The following TBC1D22B variants were observed in gnomAD, a reference collection of about 807,000 sequenced individuals.
TBC1D22B encodes the protein TBC1 domain family member 22B, also known as chromosome 6 open reading frame 197.
A neutral mutation model predicts 69.1 loss-of-function variants in TBC1D22B; 32 were observed. That is an observed-to-expected ratio of 0.46 (90% CI 0.35 to 0.62). The LOEUF (loss-of-function observed/expected upper bound fraction) is 0.62, where lower values mean the gene tolerates loss of function less well. Among genes scored for constraint, TBC1D22B ranks in the 20% least tolerant of loss-of-function variants. The pLI is 0.00. For synonymous variants in TBC1D22B, 206 were observed against 229.8 expected (o/e 0.90, Z 0.94); for missense variants, 462 against 630.9 (o/e 0.73, Z 2.87).
intron 8 of TBC1D22B, 62 bp from the exon 9 acceptor site, chr6:37,312,856 C>A: frequency 7.2e-7 from 1 of 1,395,890 alleles, no homozygotes; most frequent in Non-Finnish European, 1.0e-6. Flanking sequence ...ACACTCGAAT[C>A]TATCTTTCTC....
intron 3 of TBC1D22B, among the ~76,000 whole-genome samples, chr6:37,281,496 C>T (rs73419894): frequency 0.032 from 4,855 of 152,278 alleles, 244 homozygotes; most frequent in African/African-American, 0.11. Flanking sequence ...AATGTAGGAG[C>T]ACAAAGGAAC....
In TBC1D22B at chr6:37,330,222, C is replaced by CT. The variant is rs67372032; in HGVS notation, c.1390-787dup. The stretch of plus-strand genomic sequence containing the variant: ...GATGTTATAAATATTTTGTCCGTTT[C>CT]TTTTTTTTTTTTTTTTTTTTTTTTT... On this transcript the variant is annotated intron_variant, in intron 12 of 12. Coordinates refer to ENST00000373491, the MANE Select transcript of TBC1D22B (RefSeq NM_017772.4). Among the ~76,000 whole-genome samples the CT allele has an allele frequency of 4.6e-3, 347 of 75,530 alleles. 45 individuals carry two copies. The highest frequency in any genetic ancestry group is 5.3e-3 in the Non-Finnish European group (222 of 41,544). 49.6% of individuals were successfully genotyped at this position (75,530 alleles called of 152,430 possible).
At chr6:37,273,449 C>T (rs1766565018) in intron 2 of TBC1D22B, among the ~76,000 whole-genome samples, 1 of 152,168 alleles carries the variant, frequency 6.6e-6, no homozygotes, top group Non-Finnish European at 1.5e-5. Context: ...ATCACCATAC[C>T]TTGTCTGCAC....
chr6:37,282,860 C>G (rs1766878797), intron 4 of TBC1D22B, 22 bp from the exon 5 acceptor site: 2 of 1,613,464 alleles, frequency 1.2e-6, no homozygotes, highest in Non-Finnish European at 1.7e-6. Context: ...GTTAACCTAA[C>G]AAGGCTGTTT....
chr6:37,271,540 A>C (rs934278187), intron 2 of TBC1D22B, among the ~76,000 whole-genome samples: 2 of 152,120 alleles, frequency 1.3e-5, no homozygotes, highest in African/African-American at 4.8e-5. Context: ...TGTATAGGAA[A>C]TCTCTGTACC....
At chr6:37,258,560 C>CTAA (rs1366121699) in intron 1 of TBC1D22B, among the ~76,000 whole-genome samples, 1 of 152,210 alleles carries the variant, frequency 6.6e-6, no homozygotes, top group Non-Finnish European at 1.5e-5. Flanking sequence ...CAGGGTTATT[C>CTAA]CTTTGGCATT....
At chr6:37,309,897 C>T (rs56995621) in intron 8 of TBC1D22B, among the ~76,000 whole-genome samples, 4,792 of 150,266 alleles carry the variant, frequency 0.032, 240 homozygotes, top group African/African-American at 0.11. Context: ...GATCCTAAGC[C>T]GGGTTTTACA....
At chr6:37,319,397 A>G (rs1353081889) in intron 12 of TBC1D22B, among the ~76,000 whole-genome samples, 2 of 152,248 alleles carry the variant, frequency 1.3e-5, no homozygotes, top group East Asian at 1.9e-4. Flanking sequence ...GAGCTTTGCC[A>G]TATGTGATAA....
intron 8 of TBC1D22B, among the ~76,000 whole-genome samples, chr6:37,297,008 G>A (rs1255546048): frequency 6.6e-6 from 1 of 151,874 alleles, no homozygotes; most frequent in African/African-American, 2.4e-5. Context: ...TGTATTTTTT[G>A]TAGAGACAGG....
chr6:37,320,797 C>T (rs1453800605), intron 12 of TBC1D22B, among the ~76,000 whole-genome samples: 3 of 152,154 alleles, frequency 2.0e-5, no homozygotes, highest in African/African-American at 4.8e-5. Context: ...GACCGCTGGG[C>T]AAAGGAGCCT....
chr6:37,282,532 G>T (rs1223408390), intron 4 of TBC1D22B, among the ~76,000 whole-genome samples, 168 bp downstream of exon 4: 1 of 152,238 alleles, frequency 6.6e-6, no homozygotes, highest in Non-Finnish European at 1.5e-5. Flanking sequence ...TGTTACTAGA[G>T]ATTATGGACC....
At chr6:37,303,661 C>T (rs1767629432) in intron 8 of TBC1D22B, among the ~76,000 whole-genome samples, 1 of 152,170 alleles carries the variant, frequency 6.6e-6, no homozygotes, top group Non-Finnish European at 1.5e-5. Context: ...CATGTAAAGG[C>T]CCTGTGACCT....
intron 12 of TBC1D22B, among the ~76,000 whole-genome samples, chr6:37,322,793 G>A (rs994398590): frequency 2.6e-5 from 4 of 152,172 alleles, no homozygotes; most frequent in Non-Finnish European, 5.9e-5. Flanking sequence ...CCTGTGGTCA[G>A]TGCAGCACCA....
intron 8 of TBC1D22B, among the ~76,000 whole-genome samples, chr6:37,292,067 C>G (rs1163940148): frequency 1.3e-5 from 2 of 152,190 alleles, no homozygotes; most frequent in Non-Finnish European, 2.9e-5. Flanking sequence ...TGGCCTGATG[C>G]TTTGTTTCCT....
At chr6:37,304,667 A>G (rs1264630235) in intron 8 of TBC1D22B, among the ~76,000 whole-genome samples, 1 of 152,220 alleles carries the variant, frequency 6.6e-6, no homozygotes, top group Non-Finnish European at 1.5e-5. Context: ...TTCCGGGGTG[A>G]TGGAAATATT....
intron 8 of TBC1D22B, among the ~76,000 whole-genome samples, chr6:37,299,728 G>A (rs1343825533): frequency 6.6e-6 from 1 of 152,104 alleles, no homozygotes; most frequent in Non-Finnish European, 1.5e-5. Context: ...CAAAAATACT[G>A]GCCGGGCATG....
intron 1 of TBC1D22B, among the ~76,000 whole-genome samples, chr6:37,263,553 G>A (rs955256208): frequency 1.3e-5 from 2 of 152,116 alleles, no homozygotes; most frequent in African/African-American, 4.8e-5. Context: ...TGCAATTAGG[G>A]CATCAGTAGT....
chr6:37,257,818 C>T lies in TBC1D22B; in HGVS notation c.-100C>T. Reference sequence around the variant, plus strand: ...GGAGCTGGGAGCGGGTGACCGGCGGCGGGGAAGCGGCCTGGGTTGGCCCTC... The same window carrying T: ...GGAGCTGGGAGCGGGTGACCGGCGGTGGGGAAGCGGCCTGGGTTGGCCCTC... On this transcript the variant is annotated 5_prime_UTR_variant, in exon 1 of 13. Transcript: ENST00000373491. 5.9e-6 allele frequency: 8 copies of T among 1,350,770 alleles called. No individual in the cohort carries two copies. Among genetic ancestry groups the T allele is most frequent in the Non-Finnish European group, 8.1e-6 (8 of 981,746 alleles). 83.7% of individuals were successfully genotyped at this position (1,350,770 alleles called of 1,614,324 possible).
Position 37,279,552 on chromosome 6 carries a change from T to C in TBC1D22B, c.362T>C (p.Val121Ala). 6.2e-7 allele frequency: 1 copy of C among 1,614,224 alleles called. No homozygotes were observed. The highest frequency in any genetic ancestry group is 8.5e-7 in the Non-Finnish European group (1 of 1,180,030). The change falls in exon 3 of 13, where the codon GTC becomes GCC. Residue 121 changes from valine (V) to alanine (A), a missense_variant. Around this residue, in one of 2 missense-constraint regions of TBC1D22B, gnomAD observed 237 missense variants for 255.4 expected, o/e 0.93. Transcript: ENST00000373491. The stretch of plus-strand genomic sequence containing the variant: ...CGGTCCCAGTCAACGACATCGGACG[T>C]CCCTGCCAACTACAAGGTCATAAAG... ...PERSQSTTSDVPANYKVIKSS... is the reference protein window; with the variant it reads ...PERSQSTTSDAPANYKVIKSS...
Sources: gnomAD v4.1 joint callset for allele counts (sites outside exome capture counted in the v4.1 genomes callset) on GRCh38, gnomAD v4.1.1 for gene constraint, gnomAD v4.1.1 regional missense constraint, MANE v1.5 for transcripts, NCBI Gene and HGNC (gene_info 2026-07-23, HGNC 2026-07-21) for gene names.